The following ATF6B variants were observed in gnomAD, a reference collection of about 807,000 sequenced individuals.
ATF6B encodes cyclic AMP-dependent transcription factor ATF-6 beta.
A neutral mutation model predicts 83.5 loss-of-function variants in ATF6B; 50 were observed. The observed-to-expected ratio is 0.60, with a 90% CI of 0.48 to 0.76. The LOEUF is 0.76. Ranked by LOEUF, ATF6B falls within the 30% of genes least tolerant of loss-of-function variation. ATF6B has a pLI of 0.00. For missense variants in ATF6B, 790 were observed against 893.8 expected (o/e 0.88, Z 1.48); for synonymous variants, 344 against 362.8 (o/e 0.95, Z 0.59).
At position 32,127,087 on chromosome 6, in the gene ATF6B, G is replaced by C; in HGVS notation, c.342+16C>G. ...AGTCCCCGTCACAGAGAGTAAGAGG[G>C]ATATGGCTCTCTCACCTCGCTGGAT... On this transcript the variant is annotated intron_variant, in intron 4 of 17. Transcript: ENST00000375203. 1 of 1,566,228 alleles carries C rather than the reference G, an allele frequency of 6.4e-7. No individual in the cohort carries two copies. The highest frequency in any genetic ancestry group is 2.3e-5 in the East Asian group (1 of 43,878).
chr6:32,117,867 G>C lies in ATF6B; in HGVS notation c.1416C>G (p.Pro472=), dbSNP rs1405987526. The C allele has an allele frequency of 1.3e-6, 2 of 1,565,670 alleles. No homozygotes were observed. The highest frequency in any genetic ancestry group is 1.7e-6 in the Non-Finnish European group (2 of 1,159,100). ...KEPQPSPTDQ[P]SFSNLTAFPG... ...TCTCTCTCTCTCCTCACCTGAAACT[G>C]GGCTGGTCTGTGGGGCTGGGCTGGG... is the stretch of plus-strand genomic sequence containing the variant. The change falls in exon 12 of 18, where the codon CCC becomes CCG. Residue 472 remains proline (P), a synonymous_variant. Transcript: ENST00000375203. The surrounding 1 kb of genome is among the most constrained non-coding windows in gnomAD (Gnocchi z 5.0).
chr6:32,119,738 C>G lies in ATF6B; in HGVS notation c.966+86G>C. The G allele has an allele frequency of 6.4e-7, 1 of 1,552,606 alleles. No homozygotes were observed. Among genetic ancestry groups the G allele is most frequent in the South Asian group, 1.2e-5 (1 of 82,036 alleles). On this transcript the variant is annotated intron_variant, in intron 9 of 17. Transcript: ENST00000375203. The surrounding 1 kb of genome is among the most constrained non-coding windows in gnomAD (Gnocchi z 4.9). ...CTTTTTTCTCCTAGGTATCGACTCCCTCCTCATCCCACAGTTCTCTCTATG... is the reference window on the plus strand; with the variant it reads ...CTTTTTTCTCCTAGGTATCGACTCCGTCCTCATCCCACAGTTCTCTCTATG...
At position 32,116,337 on chromosome 6, in the gene ATF6B, T is replaced by G; in HGVS notation, c.1882+143A>C. 1.3e-6 allele frequency: 1 copy of G among 771,298 alleles called. No individual in the cohort carries two copies. Among genetic ancestry groups the G allele is most frequent in the Non-Finnish European group, 2.1e-6 (1 of 483,786 alleles). 47.8% of individuals were successfully genotyped at this position (771,298 alleles called of 1,614,324 possible). A position where few individuals can be genotyped will look rare whatever the true frequency, so the allele number is the denominator to read the frequency against. On this transcript the variant is annotated intron_variant, in intron 17 of 17. Transcript: ENST00000375203. This position sits in a 1 kb window ranked among gnomAD's most constrained non-coding sequence, Gnocchi z 5.1. ...CTCCCAAGTCTCCTGCATGGTGCTC[T>G]TCCCTCCACCTACTTCCTGCTGCTT...
Position 32,115,880 on chromosome 6 carries a change from G to C in ATF6B, c.1971C>G (p.Ile657Met), listed in dbSNP as rs778979013. The C allele has an allele frequency of 2.7e-4, 441 of 1,614,064 alleles. No homozygotes were observed. The highest frequency in any genetic ancestry group is 3.6e-4 in the Non-Finnish European group (423 of 1,180,032). Residue 657 changes from isoleucine (I) to methionine (M), a missense_variant, in exon 18 of 18, where the codon ATC (isoleucine) becomes ATG (methionine). Ile to Met is a conservative substitution (Grantham distance 10). Transcript: ENST00000375203. ...CEVMDTRVIH[I>M]KTSTVPPSLR... ...GCGAGGGGGGCACTGTGGAGGTCTT[G>C]ATGTGAATCACCCTGGTGTCCATGA... is the stretch of plus-strand genomic sequence containing the variant.
At chr6:32,120,657 G>A (rs1353559765) in intron 8 of ATF6B, 114 bp downstream of exon 8, 11 of 1,316,388 alleles carry the variant, frequency 8.4e-6, no homozygotes, top group East Asian at 2.6e-5. Context: ...CACCACGTTG[G>A]CCAGGCTGGT....
At position 32,119,861 on chromosome 6, in the gene ATF6B, G is replaced by A. The variant is rs1781682970; in HGVS notation, c.929C>T (p.Ala310Val). Reference protein sequence around the residue: ...PRPERKSIVPAPMPGNSCPPE... With the variant: ...PRPERKSIVPVPMPGNSCPPE... ...CGGGCAGGAGTTTCCAGGCATAGGA[G>A]CGGGAACGATGCTCTTCCTCTCAGG... The change falls in exon 9 of 18, where the codon GCT (alanine) becomes GTT (valine). Residue 310 changes from alanine to valine, a missense_variant. Ala to Val is a moderately conservative substitution (Grantham distance 64). Around this residue, in one of 3 missense-constraint regions of ATF6B, gnomAD observed 530 missense variants for 632.6 expected, o/e 0.84. Coordinates refer to ENST00000375203, the MANE Select transcript of ATF6B (RefSeq NM_004381.5). This position sits in a 1 kb window ranked among gnomAD's most constrained non-coding sequence, Gnocchi z 4.9. The A allele has an allele frequency of 6.2e-7, 1 of 1,614,034 alleles. No homozygotes were observed. Among genetic ancestry groups the A allele is most frequent in the Non-Finnish European group, 8.5e-7 (1 of 1,180,036 alleles).
chr6:32,123,961 T>C lies in ATF6B; in HGVS notation c.478+2156A>G, dbSNP rs1398673998. 3.3e-5 allele frequency among the ~76,000 whole-genome samples: 5 copies of C among 152,078 alleles called. No individual in the cohort carries two copies. In the East Asian group the frequency reaches 9.7e-4, roughly 29 times the overall value. On this transcript the variant is annotated intron_variant, in intron 5 of 17. Transcript: ENST00000375203. Reference sequence around the variant, plus strand: ...GGCTTACGCCTGTAATCCCAGCACTTTGGGAGCCAAAGTGGGTGGATCACC... The same window carrying C: ...GGCTTACGCCTGTAATCCCAGCACTCTGGGAGCCAAAGTGGGTGGATCACC...
Position 32,116,832 on chromosome 6 carries a change from A to C in ATF6B, c.1686-17T>G. The C allele has an allele frequency of 6.2e-7, 1 of 1,612,558 alleles. No homozygotes were observed. Among genetic ancestry groups the C allele is most frequent in the Non-Finnish European group, 8.5e-7 (1 of 1,178,640 alleles). Reference sequence around the variant, plus strand: ...ACAGAATCCCTAGGCAGGTGGGGAAACAGGATTTGAGGGGAACTAAGCCCA... The same window carrying C: ...ACAGAATCCCTAGGCAGGTGGGGAACCAGGATTTGAGGGGAACTAAGCCCA... On this transcript the variant is annotated splice_polypyrimidine_tract_variant and intron_variant, in intron 15 of 17. Coordinates refer to ENST00000375203, the MANE Select transcript of ATF6B (RefSeq NM_004381.5). The surrounding 1 kb of genome is among the most constrained non-coding windows in gnomAD (Gnocchi z 5.1).
rs1356762184 is a variant in ATF6B at position 32,126,108 on chromosome 6, T to C, written c.478+9A>G. ...AGAGCCAAGGATTGGGGGCAGGCTG[T>C]TTTATTACCTGAGGAATCATCAGAG... On this transcript the variant is annotated intron_variant, in intron 5 of 17. Coordinates refer to ENST00000375203, the MANE Select transcript of ATF6B (RefSeq NM_004381.5). The C allele has an allele frequency of 6.2e-7, 1 of 1,613,974 alleles. No homozygotes were observed. The highest frequency in any genetic ancestry group is 1.7e-5 in the Admixed American group (1 of 59,990).
At position 32,118,176 on chromosome 6, in the gene ATF6B, A is replaced by G. The variant is rs1260607662; in HGVS notation, c.1245-138T>C. 2 of 1,064,684 alleles carry G rather than the reference A, an allele frequency of 1.9e-6. No individual in the cohort carries two copies. Among genetic ancestry groups the G allele is most frequent in the Non-Finnish European group, 2.8e-6 (2 of 721,518 alleles). 66.0% of individuals were successfully genotyped at this position (1,064,684 alleles called of 1,614,324 possible). A position where few individuals can be genotyped will look rare whatever the true frequency, so the allele number is the denominator to read the frequency against. ...CTGAGTCTGCCTCTGTAAGATGGGA[A>G]TAAGGATGGTCCCTACATACAAAAA... On this transcript the variant is annotated intron_variant, in intron 11 of 17. Transcript: ENST00000375203. This position sits in a 1 kb window ranked among gnomAD's most constrained non-coding sequence, Gnocchi z 5.2.
At position 32,119,713 on chromosome 6, in the gene ATF6B, CT is replaced by C. The variant is rs1338057860; in HGVS notation, c.966+110del. On this transcript the variant is annotated intron_variant, in intron 9 of 17. Coordinates refer to ENST00000375203, the MANE Select transcript of ATF6B (RefSeq NM_004381.5). The surrounding 1 kb of genome is among the most constrained non-coding windows in gnomAD (Gnocchi z 4.9). Reference sequence around the variant, plus strand: ...ATGATCTAATGGGTCCGTTTCCTCACTTTTTTCTCCTAGGTATCGACTCCCT... The same window carrying C: ...ATGATCTAATGGGTCCGTTTCCTCACTTTTTCTCCTAGGTATCGACTCCCT... 1 of 1,483,720 alleles carries C rather than the reference CT, an allele frequency of 6.7e-7. No individual in the cohort carries two copies. Among genetic ancestry groups the C allele is most frequent in the East Asian group, 2.3e-5 (1 of 42,836 alleles). 91.9% of individuals were successfully genotyped at this position (1,483,720 alleles called of 1,614,324 possible).
rs747323116 is a variant in ATF6B, at chr6:32,115,699, A to AC, written c.*39dup. ...AAACAGTCCCACCTGGCCACCTGGTACCCCCTCCCCCCGTTCTAAGTCAGT... is the reference window on the plus strand; with the variant it reads ...AAACAGTCCCACCTGGCCACCTGGTACCCCCCTCCCCCCGTTCTAAGTCAGT... On this transcript the variant is annotated 3_prime_UTR_variant, in exon 18 of 18. Coordinates refer to ENST00000375203, the MANE Select transcript of ATF6B (RefSeq NM_004381.5). The AC allele has an allele frequency of 5.4e-5, 81 of 1,509,510 alleles. No homozygotes were observed. In the African/African-American group the frequency reaches 8.0e-4, roughly 15 times the overall value. The allele number at this position is 1,509,510 out of a possible 1,614,324, so 93.5% of individuals were successfully genotyped here.
In ATF6B at chr6:32,120,759, C is replaced by T; in HGVS notation, c.832+12G>A. On this transcript the variant is annotated intron_variant, in intron 8 of 17. Transcript: ENST00000375203. ...AGCCACCATGCCCGGCCCTTTTCTC[C>T]TTCTTCAGTACCTGGGGGTGGCTGG... 6.2e-7 allele frequency: 1 copy of T among 1,608,060 alleles called. No individual in the cohort carries two copies. The highest frequency in any genetic ancestry group is 8.5e-7 in the Non-Finnish European group (1 of 1,177,038).
intron 8 of ATF6B, chr6:32,120,489 C>T (rs1376499940): frequency 2.7e-5 from 6 of 221,366 alleles, no homozygotes; most frequent in Admixed American, 1.3e-4. Context: ...CTCGCTTTGT[C>T]GCCCAGGCTG....
At position 32,118,592 on chromosome 6, in the gene ATF6B, T is replaced by C. The variant is rs535557218; in HGVS notation, c.1244+183A>G. Among the ~76,000 whole-genome samples the C allele has an allele frequency of 1.1e-4, 17 of 151,918 alleles. No homozygotes were observed. Among genetic ancestry groups the C allele is most frequent in the African/African-American group, 4.1e-4 (17 of 41,406 alleles). On this transcript the variant is annotated intron_variant, in intron 11 of 17. Coordinates refer to ENST00000375203, the MANE Select transcript of ATF6B (RefSeq NM_004381.5). The surrounding 1 kb of genome is among the most constrained non-coding windows in gnomAD (Gnocchi z 5.2). ...GCCTGGGCAACAGAACAAGGCTCCA[T>C]CTCCAAGAAAAAAAGACAAATAATG...
rs2083547425 is a variant in ATF6B, at chr6:32,117,827, A to G, written c.1424+32T>C. Reference sequence around the variant, plus strand: ...GGGAGAAGACCAACTCATACCCTCAAACGAGAGGGGGCCCTCTCTCTCTCT... The same window carrying G: ...GGGAGAAGACCAACTCATACCCTCAGACGAGAGGGGGCCCTCTCTCTCTCT... On this transcript the variant is annotated intron_variant, in intron 12 of 17. Transcript: ENST00000375203. This position sits in a 1 kb window ranked among gnomAD's most constrained non-coding sequence, Gnocchi z 5.0. The G allele has an allele frequency of 6.4e-7, 1 of 1,554,724 alleles. No homozygotes were observed. The highest frequency in any genetic ancestry group is 2.0e-5 in the Admixed American group (1 of 49,600).
Position 32,120,000 on chromosome 6 carries a change from G to A in ATF6B, c.833-43C>T. The A allele has an allele frequency of 1.3e-6, 2 of 1,586,072 alleles. No individual in the cohort carries two copies. The highest frequency in any genetic ancestry group is 1.7e-6 in the Non-Finnish European group (2 of 1,164,778). On this transcript the variant is annotated intron_variant, in intron 8 of 17. Transcript: ENST00000375203. This position sits in a 1 kb window ranked among gnomAD's most constrained non-coding sequence, Gnocchi z 4.9. ...AGGTCAGAGGGCTGTGCGCTGGGTGGGGTCCTTGTGTCCACACCCACACAA... is the reference window on the plus strand; with the variant it reads ...AGGTCAGAGGGCTGTGCGCTGGGTGAGGTCCTTGTGTCCACACCCACACAA...
Position 32,119,140 on chromosome 6 carries a change from G to C in ATF6B, c.968C>G (p.Ala323Gly), listed in dbSNP as rs377133371. The change falls in exon 10 of 18, where the codon GCA becomes GGA. Residue 323 changes from alanine (A) to glycine (G), a missense_variant and splice_region_variant. Physicochemically the swap from Ala to Gly is moderately conservative, Grantham distance 60 (BLOSUM62 0). Transcript: ENST00000375203. This position sits in a 1 kb window ranked among gnomAD's most constrained non-coding sequence, Gnocchi z 4.9. ...PGNSCPPEVD[A>G]KLLKRQQRMI... ...TCGCTGCTGCCGCTTCAGCAGCTTTGCCTAGGCACCCGGAAGGTCAAAAAA... is the reference window on the plus strand; with the variant it reads ...TCGCTGCTGCCGCTTCAGCAGCTTTCCCTAGGCACCCGGAAGGTCAAAAAA... 2.0e-5 allele frequency: 32 copies of C among 1,608,894 alleles called. No individual in the cohort carries two copies. Among genetic ancestry groups the C allele is most frequent in the Non-Finnish European group, 2.6e-5 (31 of 1,178,798 alleles).
intron 3 of ATF6B, 50 bp from the exon 4 acceptor site, chr6:32,127,244 T>G: frequency 6.6e-7 from 1 of 1,520,672 alleles, no homozygotes; most frequent in Non-Finnish European, 8.9e-7. Context: ...TTAAGAAGAG[T>G]CCAAAAAGTA....
Sources: gnomAD v4.1 joint callset for allele counts (sites outside exome capture counted in the v4.1 genomes callset) on GRCh38, gnomAD v4.1.1 for gene constraint, gnomAD v4.1.1 regional missense constraint, Gnocchi (gnomAD v3.1) non-coding constraint, MANE v1.5 for transcripts, NCBI Gene and HGNC (gene_info 2026-07-23, HGNC 2026-07-21) for gene names.